GPAT2: variants seen among roughly 807,000 people sequenced by gnomAD.
GPAT2 encodes the protein 1-acylglycerol-3-phosphate O-acyltransferase GPAT2.
In GPAT2, 51 loss-of-function variants were observed where a neutral mutation model predicts 71.0. The ratio of observed to expected loss-of-function variants is 0.72; its 90% CI spans 0.57 to 0.91. The LOEUF (loss-of-function observed/expected upper bound fraction) is 0.91, where lower values mean the gene tolerates loss of function less well. Ranked by LOEUF, GPAT2 falls within the 40% of genes least tolerant of loss-of-function variation. The probability of loss-of-function intolerance (pLI) is 0.00; values close to 1 mark genes in which losing one functional copy is unlikely to be tolerated. For synonymous variants in GPAT2, 222 were observed against 290.3 expected, an observed-to-expected ratio of 0.76 and a Z score of 2.39; for missense variants, 511 against 666.0, an observed-to-expected ratio of 0.77 and a Z score of 2.56.
At chr2:96,022,921 T>G (rs752469359) in intron 20 of GPAT2, 37 bp downstream of exon 20, 2 of 1,613,554 alleles carry the variant, frequency 1.2e-6, no homozygotes, top group Non-Finnish European at 8.5e-7. Flanking sequence ...CAAACACCAC[T>G]GCCTGCAGGA....
At position 96,024,919 on chromosome 2, in the gene GPAT2, C is replaced by T. The variant is rs923232966; in HGVS notation, c.1358-76G>A. 191 of 1,536,530 alleles carry T rather than the reference C, an allele frequency of 1.2e-4. No homozygotes were observed. The Middle Eastern group carries it at 1.8e-3, about 15-fold the overall frequency. On this transcript the variant is annotated intron_variant, in intron 13 of 21. Coordinates refer to ENST00000434632, the MANE Select transcript of GPAT2 (RefSeq NM_001321527.2). ...CTGGTCCCTCCATGATCTAGCAAGTCTTCCTAGCCACACATCCCAACTCCA... is the reference window on the plus strand; with the variant it reads ...CTGGTCCCTCCATGATCTAGCAAGTTTTCCTAGCCACACATCCCAACTCCA...
rs754808578 is a variant in GPAT2, at chr2:96,024,653, G to A, written c.1461C>T (p.Phe487=). 35 of 1,613,804 alleles carry A rather than the reference G, an allele frequency of 2.2e-5. No homozygotes were observed. In the South Asian group the frequency reaches 3.7e-4, roughly 17 times the overall value. ...ACAGTATCTCCTCCGTCAGCCAGGA[G>A]AACTCCCCCAGGAGCTGCGACAGGA... is the stretch of plus-strand genomic sequence containing the variant. ...GVFLSQLLGE[F]SWLTEEILLR... Residue 487 remains phenylalanine (F), a synonymous_variant, in exon 15 of 22, where the codon TTC becomes TTT. Coordinates refer to ENST00000434632, the MANE Select transcript of GPAT2 (RefSeq NM_001321527.2).
chr2:96,024,440 G>C lies in GPAT2; in HGVS notation c.1674C>G (p.Ser558Arg), dbSNP rs368926242. Residue 558 changes from serine (S) to arginine (R), a missense_variant, in exon 15 of 22, where the codon AGC becomes AGG. Physicochemically the swap from Ser to Arg is moderately radical, Grantham distance 110. This residue lies in a region of GPAT2 where 295 missense variants were observed against 305.5 expected (regional missense o/e 0.97). Transcript: ENST00000434632. Reference sequence around the variant, plus strand: ...CTCAAGACTCACCGCCCACAGCCTCGCTCAGGAAGACGGGCAGCAGCTCAG... The same window carrying C: ...CTCAAGACTCACCGCCCACAGCCTCCCTCAGGAAGACGGGCAGCAGCTCAG... ...LSAELLPVFL[S>R]EAVGACAVRG... The C allele has an allele frequency of 3.1e-6, 5 of 1,613,588 alleles. No individual in the cohort carries two copies. The highest frequency in any genetic ancestry group is 4.2e-6 in the Non-Finnish European group (5 of 1,179,806).
In GPAT2 at chr2:96,025,365, G is replaced by A. The variant is rs1680281696; in HGVS notation, c.1357+120C>T. The A allele has an allele frequency of 3.0e-6, 4 of 1,312,986 alleles. No homozygotes were observed. In the African/African-American group the frequency reaches 4.5e-5, roughly 15 times the overall value. The allele number at this position is 1,312,986 out of a possible 1,614,324, so 81.3% of individuals were successfully genotyped here. On this transcript the variant is annotated intron_variant, in intron 13 of 21. Coordinates refer to ENST00000434632, the MANE Select transcript of GPAT2 (RefSeq NM_001321527.2). ...TCCATTCTTCTTCAGATGTCCCCAAGGTATCACAGAGCACCTCAGGTGCAG... is the reference window on the plus strand; with the variant it reads ...TCCATTCTTCTTCAGATGTCCCCAAAGTATCACAGAGCACCTCAGGTGCAG...
chr2:96,025,466 A>G lies in GPAT2; in HGVS notation c.1357+19T>C. ...TTCAGTGACCCACCCGCAAAGGCCCAGATCTGGTTCACCCTCACCACTCAG... is the reference window on the plus strand; with the variant it reads ...TTCAGTGACCCACCCGCAAAGGCCCGGATCTGGTTCACCCTCACCACTCAG... On this transcript the variant is annotated intron_variant, in intron 13 of 21. Coordinates refer to ENST00000434632, the MANE Select transcript of GPAT2 (RefSeq NM_001321527.2). The G allele has an allele frequency of 6.4e-7, 1 of 1,572,650 alleles. No individual in the cohort carries two copies. Among genetic ancestry groups the G allele is most frequent in the African/African-American group, 1.4e-5 (1 of 73,004 alleles).
At position 96,022,948 on chromosome 2, in the gene GPAT2, T is replaced by A. The variant is rs1336653793; in HGVS notation, c.2233+10A>T. On this transcript the variant is annotated intron_variant, in intron 20 of 21. Transcript: ENST00000434632. ...CCTGCAGGAGCCTGGGCTGACTGGT[T>A]GGGACTCACCGAAGATCCCTTCTTC... 1.2e-6 allele frequency: 2 copies of A among 1,613,652 alleles called. No homozygotes were observed. Among genetic ancestry groups the A allele is most frequent in the Non-Finnish European group, 1.7e-6 (2 of 1,179,876 alleles).
Position 96,023,680 on chromosome 2 carries a change from C to T in GPAT2, c.1915-240G>A, listed in dbSNP as rs199544546. 85 of 743,016 alleles carry T rather than the reference C, an allele frequency of 1.1e-4. No homozygotes were observed. The East Asian group carries it at 2.1e-3, about 19-fold the overall frequency. The allele number at this position is 743,016 out of a possible 1,614,324, so 46.0% of individuals were successfully genotyped here. On this transcript the variant is annotated intron_variant, in intron 17 of 21. Transcript: ENST00000434632. ...GGGGAGCAGGAGGTGTGCAGAGAAC[C>T]TCAGAGGCACACATGTCCAGTGCTA...
chr2:96,023,438 G>C lies in GPAT2; in HGVS notation c.1917C>G (p.Thr639=), dbSNP rs577560612. 6.2e-7 allele frequency: 1 copy of C among 1,613,938 alleles called. No homozygotes were observed. The highest frequency in any genetic ancestry group is 1.1e-5 in the South Asian group (1 of 91,084). The part of the protein sequence containing the change: ...IQCGLLVAEE[T]PGSRPACDTG... ...TGTCACAGGCTGGCCGGGAGCCTGG[G>C]GTCTAGGGGCCGTGGAGCCATTGTT... The change falls in exon 18 of 22, where the codon ACC becomes ACG. Residue 639 remains threonine, a splice_region_variant and synonymous_variant. Transcript: ENST00000434632.
At chr2:96,023,870 C>T in intron 17 of GPAT2, 53 bp downstream of exon 17, 3 of 1,545,002 alleles carry the variant, frequency 1.9e-6, no homozygotes, top group Non-Finnish European at 2.6e-6. Context: ...GGGTGGGAGG[C>T]TGGAGGAGGC....
intron 17 of GPAT2, chr2:96,023,712 G>A (rs147408728): frequency 0.012 from 11,607 of 950,836 alleles, 99 homozygotes; most frequent in Middle Eastern, 0.03. Context: ...GCTATCCAGA[G>A]AGACACACAG....
In GPAT2 at chr2:96,022,018, A is replaced by T. The variant is rs1037046025; in HGVS notation, c.*141T>A. The T allele has an allele frequency of 1.4e-6, 2 of 1,464,640 alleles. No homozygotes were observed. The highest frequency in any genetic ancestry group is 2.9e-5 in the African/African-American group (2 of 69,864). The allele number at this position is 1,464,640 out of a possible 1,614,324, so 90.7% of individuals were successfully genotyped here. On this transcript the variant is annotated 3_prime_UTR_variant, in exon 22 of 22. Coordinates refer to ENST00000434632, the MANE Select transcript of GPAT2 (RefSeq NM_001321527.2). ...CACATCAAAGAAGGGAAAAAGCAAG[A>T]GATGGCAAGGGACAATCAAGCCTCA...
At chr2:96,022,533 A>C in intron 21 of GPAT2, 135 bp downstream of exon 21, 1 of 993,560 alleles carries the variant, frequency 1.0e-6, no homozygotes, top group Non-Finnish European at 1.6e-6. Flanking sequence ...GAAGACACCA[A>C]GTAAATCCCA....
In GPAT2 at chr2:96,023,240, G is replaced by A. The variant is rs1356665762; in HGVS notation, c.2047-14C>T. The A allele has an allele frequency of 6.2e-7, 1 of 1,612,098 alleles. No individual in the cohort carries two copies. The highest frequency in any genetic ancestry group is 8.5e-7 in the Non-Finnish European group (1 of 1,179,206). On this transcript the variant is annotated splice_polypyrimidine_tract_variant and intron_variant, in intron 18 of 21. Transcript: ENST00000434632. The stretch of plus-strand genomic sequence containing the variant: ...CTGCTGGCTGAGCTGGAGGGGACAG[G>A]CCGGGGTGAGTGCAGCTCCCCACCG...
chr2:96,025,429 G>A (rs1390772027), intron 13 of GPAT2, 56 bp downstream of exon 13: 43 of 1,549,310 alleles, frequency 2.8e-5, no homozygotes, highest in Middle Eastern at 2.0e-4. Flanking sequence ...GGCTGACCCC[G>A]AGAGGGGACG....
chr2:96,024,462 T>C lies in GPAT2; in HGVS notation c.1652A>G (p.Glu551Gly), dbSNP rs1680131215. Residue 551 changes from glutamate (E) to glycine (G), a missense_variant, in exon 15 of 22, where the codon GAG becomes GGG. Physicochemically the swap from Glu to Gly is moderately conservative, Grantham distance 98. Around this residue, in one of 7 missense-constraint regions of GPAT2, gnomAD observed 295 missense variants for 305.5 expected, o/e 0.97. Coordinates refer to ENST00000434632, the MANE Select transcript of GPAT2 (RefSeq NM_001321527.2). ...GLTHLAQLSA[E>G]LLPVFLSEAV... is the part of the protein sequence containing the mutation. ...CTCGCTCAGGAAGACGGGCAGCAGC[T>C]CAGCACTCAGTTGTGCCAGGTGTGT... The C allele has an allele frequency of 3.7e-6, 6 of 1,613,850 alleles. No homozygotes were observed. Among genetic ancestry groups the C allele is most frequent in the Admixed American group, 1.7e-5 (1 of 60,002 alleles).
In GPAT2 at chr2:96,025,516, C is replaced by G; in HGVS notation, c.1326G>C (p.Leu442=). The change falls in exon 13 of 22, where the codon CTG becomes CTC. Residue 442 remains leucine, a synonymous_variant. Transcript: ENST00000434632. ...LLALKEEDQL[L]VRRLSCHVLS... ...GGACATGACAGCTCAGTCTCCTGAC[C>G]AGGAGCTGGTCCTCTTCCTTGAGGG... The G allele has an allele frequency of 6.4e-7, 1 of 1,560,772 alleles. No homozygotes were observed. Among genetic ancestry groups the G allele is most frequent in the Non-Finnish European group, 8.7e-7 (1 of 1,154,794 alleles).
At chr2:96,033,938 G>A (rs1375197686) in intron 1 of GPAT2, among the ~76,000 whole-genome samples, 6 of 149,080 alleles carry the variant, frequency 4.0e-5, no homozygotes, top group Non-Finnish European at 8.9e-5. Context: ...CTGGCACCCC[G>A]AGGGCAAATT....
rs778681613 is a variant in GPAT2 at position 96,024,717 on chromosome 2, G to A, written c.1429-32C>T. The A allele has an allele frequency of 3.7e-6, 6 of 1,613,168 alleles. No homozygotes were observed. In the Admixed American group the frequency reaches 1.0e-4, roughly 27 times the overall value. On this transcript the variant is annotated intron_variant, in intron 14 of 21. Transcript: ENST00000434632. ...GGGCAGAGCAGGGCTAGGCAGCAGGGCCACACATCGCCACCCCCCCCACCG... is the reference window on the plus strand; with the variant it reads ...GGGCAGAGCAGGGCTAGGCAGCAGGACCACACATCGCCACCCCCCCCACCG...
At chr2:96,022,832 CTG>C in intron 20 of GPAT2, 109 bp from the exon 21 acceptor site, 1 of 1,612,858 alleles carries the variant, frequency 6.2e-7, no homozygotes, top group South Asian at 1.1e-5. Flanking sequence ...AGAGCTCTGA[CTG>C]GACAGAAGAC....
Sources: allele counts gnomAD v4.1 joint callset (sites outside exome capture counted in the v4.1 genomes callset), GRCh38; gene constraint gnomAD v4.1.1; regional missense constraint gnomAD v4.1.1; transcripts MANE v1.5; gene names NCBI Gene and HGNC (gene_info 2026-07-23, HGNC 2026-07-21).